The following FANCD2 variants were observed in gnomAD, a reference collection of about 807,000 sequenced individuals.
FANCD2 encodes FA complementation group D2.
Under a neutral mutation model 192.3 loss-of-function variants are expected in FANCD2, and 131 were observed. The ratio of observed to expected loss-of-function variants is 0.68; its 90% CI spans 0.59 to 0.79. The LOEUF (loss-of-function observed/expected upper bound fraction) is 0.79. Ranked by LOEUF, FANCD2 falls within the 30% of genes least tolerant of loss-of-function variation. The pLI is 0.00. For synonymous variants in FANCD2, 524 were observed against 612.5 expected (o/e 0.86, Z 2.13); for missense variants, 1,508 against 1,701.6 (o/e 0.89, Z 2.00).
Position 10,062,518 on chromosome 3 carries a change from A to G in FANCD2, c.1827+307A>G, listed in dbSNP as rs558861412. ...CGGCCTCCCAAAGTGCTGGGAGTACAGGCGTGAGCCACCTCGCCCGGCCGA... is the reference window on the plus strand; with the variant it reads ...CGGCCTCCCAAAGTGCTGGGAGTACGGGCGTGAGCCACCTCGCCCGGCCGA... On this transcript the variant is annotated intron_variant, in intron 20 of 43. Transcript: ENST00000675286. 2.0e-5 allele frequency among the ~76,000 whole-genome samples: 3 copies of G among 152,238 alleles called. No individual in the cohort carries two copies. In the East Asian group the frequency reaches 5.8e-4, roughly 29 times the overall value.
At chr3:10,074,204 A>G (rs1693411065) in intron 28 of FANCD2, among the ~76,000 whole-genome samples, 2 of 152,126 alleles carry the variant, frequency 1.3e-5, no homozygotes, top group African/African-American at 4.8e-5. Flanking sequence ...TCAGCCTCCC[A>G]AAGTCCTGGG....
At chr3:10,049,902 A>G (rs896316183) in intron 17 of FANCD2, among the ~76,000 whole-genome samples, 2 of 152,222 alleles carry the variant, frequency 1.3e-5, no homozygotes, top group Non-Finnish European at 2.9e-5. Flanking sequence ...AAGTATGGGA[A>G]GTGCGTTCTA....
At chr3:10,069,993 C>T (rs1347582992) in intron 26 of FANCD2, among the ~76,000 whole-genome samples, 1 of 151,060 alleles carries the variant, frequency 6.6e-6, no homozygotes, top group Non-Finnish European at 1.5e-5. Context: ...CTCTGCCCGG[C>T]CGCCATCCCA....
intron 41 of FANCD2, 133 bp from the exon 42 acceptor site, chr3:10,096,193 T>G (rs1435635508): frequency 6.7e-6 from 6 of 898,878 alleles, no homozygotes; most frequent in Non-Finnish European, 1.1e-5. Flanking sequence ...AAACTATTCC[T>G]GTTTGATGGA....
intron 26 of FANCD2, among the ~76,000 whole-genome samples, chr3:10,068,481 C>A (rs1337094072): frequency 6.6e-6 from 1 of 151,554 alleles, no homozygotes; most frequent in Non-Finnish European, 1.5e-5. Flanking sequence ...AACATTGATG[C>A]AAGAAATTAA....
chr3:10,069,672 C>G (rs996506643), intron 26 of FANCD2, among the ~76,000 whole-genome samples: 3 of 152,182 alleles, frequency 2.0e-5, no homozygotes, highest in East Asian at 1.9e-4. Context: ...CTGTGTTGGC[C>G]GGGCCGGTCT....
In FANCD2 at chr3:10,049,359, C is replaced by A. The variant is rs1459296520; in HGVS notation, c.1414-15C>A. ...ATTTTGTTTTACACTGTTCTGTTGA[C>A]TCTCCCCTGTATAGGAAGTGGTTGG... On this transcript the variant is annotated splice_polypyrimidine_tract_variant and intron_variant, in intron 16 of 43. Coordinates refer to ENST00000675286, the MANE Select transcript of FANCD2 (RefSeq NM_001018115.3). The A allele has an allele frequency of 6.3e-7, 1 of 1,598,382 alleles. No individual in the cohort carries two copies. Among genetic ancestry groups the A allele is most frequent in the Non-Finnish European group, 8.6e-7 (1 of 1,169,216 alleles).
rs1011615344 is a variant in FANCD2 at position 10,058,009 on chromosome 3, G to T, written c.1657-2285G>T. The T allele has an allele frequency of 1.8e-5, 8 of 446,370 alleles. No individual in the cohort carries two copies. The East Asian group carries it at 2.7e-4, about 15-fold the overall frequency. The allele number at this position is 446,370 out of a possible 1,614,324, so 27.7% of individuals were successfully genotyped here. On this transcript the variant is annotated intron_variant, in intron 18 of 43. Coordinates refer to ENST00000675286, the MANE Select transcript of FANCD2 (RefSeq NM_001018115.3). ...TAGCTTTTTTGAGTTAAGCTATCAA[G>T]TTTGCCCTTTCTGCCTTCTTAATTC...
intron 9 of FANCD2, chr3:10,041,203 A>C: frequency 4.3e-6 from 1 of 229,956 alleles, no homozygotes; most frequent in South Asian, 5.8e-5. Context: ...CTGTCTCAAA[A>C]AACAAACAAA....
At chr3:10,068,275 A>G (rs550623174) in intron 26 of FANCD2, among the ~76,000 whole-genome samples, 4 of 152,336 alleles carry the variant, frequency 2.6e-5, no homozygotes, top group Admixed American at 6.5e-5. Flanking sequence ...TATTAGATAA[A>G]TTCAGTAAAG....
rs6442150 is a variant in FANCD2, at chr3:10,080,891, T to C, written c.2977-209T>C. Among the ~76,000 whole-genome samples the C allele has an allele frequency of 0.2, 29,825 of 152,214 alleles. 3,390 individuals carry two copies. Among genetic ancestry groups the C allele is most frequent in the African/African-American group, 0.31 (13,049 of 41,498 alleles). On this transcript the variant is annotated intron_variant, in intron 30 of 43. Coordinates refer to ENST00000675286, the MANE Select transcript of FANCD2 (RefSeq NM_001018115.3). ...GGCTATATGTCTCAATCAAACACTG[T>C]TCCTACTCTACAAAAGCCAATCTCT... is the stretch of plus-strand genomic sequence containing the variant.
intron 6 of FANCD2, 104 bp downstream of exon 6, chr3:10,035,337 A>G (rs894228293): frequency 2.5e-5 from 27 of 1,061,124 alleles, no homozygotes; most frequent in Admixed American, 8.6e-5. Context: ...TAATTGGAGA[A>G]TTTGGGTTTG....
intron 18 of FANCD2, among the ~76,000 whole-genome samples, chr3:10,054,094 C>G (rs972502444): frequency 6.6e-6 from 1 of 151,682 alleles, no homozygotes; most frequent in Non-Finnish European, 1.5e-5. Context: ...CACCTGTAAT[C>G]CTAGCTACTC....
intron 32 of FANCD2, 72 bp from the exon 33 acceptor site, chr3:10,085,739 GC>G: frequency 1.0e-6 from 1 of 964,374 alleles, no homozygotes; most frequent in Non-Finnish European, 1.7e-6. Context: ...CAGACTGGAG[GC>G]CAGGATCCTT....
chr3:10,089,934 A>G (rs1694482771), intron 36 of FANCD2, among the ~76,000 whole-genome samples: 1 of 152,202 alleles, frequency 6.6e-6, no homozygotes, highest in Admixed American at 6.5e-5. Flanking sequence ...TGAGGTTGGT[A>G]TCATTGCCCC....
chr3:10,058,627 G>A (rs2087480183), intron 18 of FANCD2, among the ~76,000 whole-genome samples: 1 of 152,074 alleles, frequency 6.6e-6, no homozygotes, highest in Admixed American at 6.6e-5. Flanking sequence ...AAATTACTTT[G>A]GCACCCTTGT....
chr3:10,080,960 A>T (rs2125059062), intron 30 of FANCD2, 140 bp from the exon 31 acceptor site: 1 of 889,380 alleles, frequency 1.1e-6, no homozygotes, highest in East Asian at 2.5e-5. Context: ...CTCTGTCAGA[A>T]TACAGTCTTA....
At position 10,047,932 on chromosome 3, in the gene FANCD2, T is replaced by A; in HGVS notation, c.1294T>A (p.Cys432Ser). Reference protein sequence around the residue: ...SVHYLVLKDMCSSILSLAQSL... With the variant: ...SVHYLVLKDMSSSILSLAQSL... ...CCCACTCAAGGTTCTTAAGGATATG[T>A]GTTCATCCATTCTGTCGCTGGCTCA... Residue 432 changes from cysteine to serine, a missense_variant, in exon 16 of 44, where the codon TGT (cysteine) becomes AGT (serine). Around this residue, in one of 5 missense-constraint regions of FANCD2, gnomAD observed 108 missense variants for 174.1 expected, o/e 0.62. Coordinates refer to ENST00000675286, the MANE Select transcript of FANCD2 (RefSeq NM_001018115.3). 1 of 1,613,004 alleles carries A rather than the reference T, an allele frequency of 6.2e-7. No homozygotes were observed. The highest frequency in any genetic ancestry group is 8.5e-7 in the Non-Finnish European group (1 of 1,180,048).
chr3:10,067,338 TG>T (rs1482166458), intron 26 of FANCD2, 21 bp downstream of exon 26: 4 of 1,419,266 alleles, frequency 2.8e-6, no homozygotes, highest in Middle Eastern at 1.8e-4. Flanking sequence ...TGTCCTATAC[TG>T]GTAGTACTAC....
Sources: gnomAD v4.1 joint callset for allele counts (sites outside exome capture counted in the v4.1 genomes callset) on GRCh38, gnomAD v4.1.1 for gene constraint, gnomAD v4.1.1 regional missense constraint, MANE v1.5 for transcripts, NCBI Gene and HGNC (gene_info 2026-07-23, HGNC 2026-07-21) for gene names.